GRPR: variants seen among roughly 807,000 people sequenced by gnomAD.
GRPR encodes the protein gastrin-releasing peptide receptor.
A neutral mutation model predicts 15.6 loss-of-function variants in GRPR; 4 were observed. The ratio of observed to expected loss-of-function variants is 0.26; its 90% CI spans 0.13 to 0.59. The LOEUF (loss-of-function observed/expected upper bound fraction) is 0.59. Among genes scored for constraint, GRPR ranks in the 20% least tolerant of loss-of-function variants. The pLI, the probability that GRPR is intolerant of heterozygous loss-of-function variation, is 0.90. For missense variants in GRPR, 270 were observed against 304.1 expected, an observed-to-expected ratio of 0.89 and a Z score of 0.83; for synonymous variants, 128 against 126.8, an observed-to-expected ratio of 1.01 and a Z score of -0.06.
intron 1 of GRPR, among the ~76,000 whole-genome samples, chrX:16,133,458 C>T (rs535094662): frequency 9.0e-6 from 1 of 111,064 alleles, no homozygotes; most frequent in East Asian, 2.8e-4. Flanking sequence ...ATTTAGATTC[C>T]GTTTATTTAC....
chrX:16,152,031 ACT>A (rs1491516487), intron 2 of GRPR, among the ~76,000 whole-genome samples: 1 of 98,087 alleles, frequency 1.0e-5, no homozygotes. Flanking sequence ...TGTGTTTCTG[ACT>A]CTTTTTTTTT....
Position 16,150,349 on chromosome X carries a change from C to T in GRPR, c.458C>T (p.Ala153Val), listed in dbSNP as rs867214010. The change falls in exon 2 of 3, where the codon GCC becomes GTC. Residue 153 changes from alanine (A) to valine (V), a missense_variant. Ala to Val is a moderately conservative substitution (Grantham distance 64, BLOSUM62 0). Around this residue, in one of 3 missense-constraint regions of GRPR, gnomAD observed 115 missense variants for 128.8 expected, o/e 0.89. Coordinates refer to ENST00000380289, the MANE Select transcript of GRPR (RefSeq NM_005314.3). ...CCAATGGATATCCAGGCCTCTCATG[C>T]CCTGATGAAGATCTGCCTCAAAGCC... Reference protein sequence around the residue: ...VRPMDIQASHALMKICLKAAF... With the variant: ...VRPMDIQASHVLMKICLKAAF... 1.7e-6 allele frequency: 2 copies of T among 1,207,552 alleles called. No homozygotes were observed. The highest frequency in any genetic ancestry group is 3.0e-5 in the East Asian group (1 of 33,829).
chrX:16,152,945 G>T lies in GRPR; in HGVS notation c.*300G>T. 3.0e-6 allele frequency: 1 copy of T among 332,717 alleles called. No homozygotes were observed. The highest frequency in any genetic ancestry group is 5.3e-5 in the East Asian group (1 of 18,867). The allele number at this position is 332,717 out of a possible 1,213,427, so 27.4% of individuals were successfully genotyped here. On this transcript the variant is annotated 3_prime_UTR_variant, in exon 3 of 3. Transcript: ENST00000380289. ...AAGCCTCAAGCCCTGTTAAATGGTCGTGGCCAATTATGTCATAGAAACTGT... is the reference window on the plus strand; with the variant it reads ...AAGCCTCAAGCCCTGTTAAATGGTCTTGGCCAATTATGTCATAGAAACTGT...
chrX:16,152,530 G>C lies in GRPR; in HGVS notation c.1040G>C (p.Arg347Pro). 8.3e-7 allele frequency: 1 copy of C among 1,208,821 alleles called. No individual in the cohort carries two copies. The highest frequency in any genetic ancestry group is 1.1e-6 in the Non-Finnish European group (1 of 892,765). ...LLCCQPGLII[R>P]SHSTGRSTTC... ...TGTTGCCAGCCTGGCCTGATCATCCGGTCTCACAGCACTGGAAGGAGTACA... is the reference window on the plus strand; with the variant it reads ...TGTTGCCAGCCTGGCCTGATCATCCCGTCTCACAGCACTGGAAGGAGTACA... Residue 347 changes from arginine (R) to proline (P), a missense_variant, in exon 3 of 3, where the codon CGG (arginine) becomes CCG (proline). By Grantham distance (103) the Arg-to-Pro change is moderately radical. Around this residue, in one of 3 missense-constraint regions of GRPR, gnomAD observed 133 missense variants for 123.4 expected, o/e 1.08. Coordinates refer to ENST00000380289, the MANE Select transcript of GRPR (RefSeq NM_005314.3).
Position 16,124,292 on chromosome X carries a change from C to T in GRPR, c.339C>T (p.Cys113=). The part of the protein sequence containing the change: ...ADRWLFGRIG[C]KLIPFIQLTS... ...GATGGCTATTTGGCAGGATTGGCTG[C>T]AAACTGATCCCCTTTATACAGCTTA... is the stretch of plus-strand genomic sequence containing the variant. The change falls in exon 1 of 3, where the codon TGC becomes TGT. Residue 113 remains cysteine (C), a synonymous_variant. Transcript: ENST00000380289. 1 of 1,210,275 alleles carries T rather than the reference C, an allele frequency of 8.3e-7. No individual in the cohort carries two copies.
At chrX:16,149,645 C>CAAAAAAAAAAAAAAAAAAAAA in intron 1 of GRPR, among the ~76,000 whole-genome samples, 1 of 61,270 alleles carries the variant, frequency 1.6e-5, no homozygotes, top group Non-Finnish European at 3.0e-5. Context: ...AAGGTTTTGC[C>CAAAAAAAAAAAAAAAAAAAAA]AAAAAAAAAA....
intron 1 of GRPR, among the ~76,000 whole-genome samples, chrX:16,124,663 C>A (rs1025035068): frequency 1.8e-5 from 2 of 111,915 alleles, no homozygotes; most frequent in Non-Finnish European, 3.8e-5. Flanking sequence ...TTCCTAACTT[C>A]TCCCTCCTTG....
chrX:16,124,284 A>G lies in GRPR; in HGVS notation c.331A>G (p.Ile111Val). The change falls in exon 1 of 3, where the codon ATT (isoleucine) becomes GTT (valine). Residue 111 changes from isoleucine (I) to valine (V), a missense_variant. Physicochemically the swap from Ile to Val is conservative, Grantham distance 29. This residue lies in a region of GRPR where 115 missense variants were observed against 128.8 expected (regional missense o/e 0.89). Coordinates refer to ENST00000380289, the MANE Select transcript of GRPR (RefSeq NM_005314.3). ...GGCTGACAGATGGCTATTTGGCAGG[A>G]TTGGCTGCAAACTGATCCCCTTTAT... ...YLADRWLFGR[I>V]GCKLIPFIQL... 8.3e-7 allele frequency: 1 copy of G among 1,209,927 alleles called. No individual in the cohort carries two copies. Among genetic ancestry groups the G allele is most frequent in the Non-Finnish European group, 1.1e-6 (1 of 893,907 alleles).
chrX:16,149,944 T>C (rs1203737753), intron 1 of GRPR, among the ~76,000 whole-genome samples: 1 of 112,140 alleles, frequency 8.9e-6, no homozygotes, highest in African/African-American at 3.2e-5. Flanking sequence ...TTCCACAGTG[T>C]ATACATATTT....
At chrX:16,143,844 A>T (rs1363095989) in intron 1 of GRPR, among the ~76,000 whole-genome samples, 4 of 111,878 alleles carry the variant, frequency 3.6e-5, no homozygotes, top group Admixed American at 9.5e-5. Context: ...TAATATCTAG[A>T]GGGTTCTTTC....
chrX:16,126,477 C>T (rs1179008812), intron 1 of GRPR, among the ~76,000 whole-genome samples: 1 of 111,706 alleles, frequency 9.0e-6, no homozygotes, highest in Non-Finnish European at 1.9e-5. Flanking sequence ...TCCATATACA[C>T]AGTAAACTGA....
At chrX:16,151,353 G>A (rs973903536) in intron 2 of GRPR, among the ~76,000 whole-genome samples, 28 of 111,880 alleles carry the variant, frequency 2.5e-4, no homozygotes, top group African/African-American at 9.1e-4. Flanking sequence ...CAAGGGCTCC[G>A]GCTTCCTCCT....
rs748741065 is a variant in GRPR at position 16,126,217 on chromosome X, A to G, written c.413+1851A>G. ...GTCCTTGCCAAGTTCAGAAATTACT[A>G]GAAGCTCCCATATAGCTAACTTTTT... On this transcript the variant is annotated intron_variant, in intron 1 of 2. Coordinates refer to ENST00000380289, the MANE Select transcript of GRPR (RefSeq NM_005314.3). 2.7e-5 allele frequency among the ~76,000 whole-genome samples: 3 copies of G among 112,034 alleles called. No homozygotes were observed. In the Admixed American group the frequency reaches 2.8e-4, roughly 11 times the overall value.
chrX:16,133,034 T>C (rs757673638), intron 1 of GRPR, among the ~76,000 whole-genome samples: 12 of 112,087 alleles, frequency 1.1e-4, no homozygotes, highest in Non-Finnish European at 1.7e-4. Context: ...ATTCTACTCA[T>C]ATATTTGGAT....
intron 1 of GRPR, among the ~76,000 whole-genome samples, chrX:16,132,431 TAA>T (rs373077944): frequency 6.2e-5 from 7 of 112,187 alleles, no homozygotes; most frequent in African/African-American, 2.3e-4. Context: ...ATCTCTCATT[TAA>T]ATAAGCTGCT....
chrX:16,126,207 A>G (rs903344413), intron 1 of GRPR, among the ~76,000 whole-genome samples: 7 of 111,879 alleles, frequency 6.3e-5, no homozygotes, highest in Non-Finnish European at 5.6e-5. Flanking sequence ...TGCCAAGTTC[A>G]GAAATTACTA....
chrX:16,125,929 T>C (rs996504786), intron 1 of GRPR, among the ~76,000 whole-genome samples: 2 of 111,173 alleles, frequency 1.8e-5, no homozygotes, highest in Non-Finnish European at 3.8e-5. Flanking sequence ...AGGATGAGGG[T>C]AATTTTCTTA....
chrX:16,139,902 G>A (rs1185321905), intron 1 of GRPR, among the ~76,000 whole-genome samples: 1 of 112,441 alleles, frequency 8.9e-6, no homozygotes, highest in Non-Finnish European at 1.9e-5. Context: ...TCTAATTCTT[G>A]AAAAGTGTCG....
chrX:16,134,036 T>A (rs562696736), intron 1 of GRPR, among the ~76,000 whole-genome samples: 89 of 112,183 alleles, frequency 7.9e-4, no homozygotes, highest in Middle Eastern at 4.6e-3. Context: ...GCTTTTAAAG[T>A]GTTTTCCCCT....
Sources: gnomAD v4.1 joint callset for allele counts (sites outside exome capture counted in the v4.1 genomes callset) on GRCh38, gnomAD v4.1.1 for gene constraint, gnomAD v4.1.1 regional missense constraint, MANE v1.5 for transcripts, NCBI Gene and HGNC (gene_info 2026-07-23, HGNC 2026-07-21) for gene names.